The following AFF3 variants were observed in gnomAD, a reference collection of about 807,000 sequenced individuals.
The protein encoded by AFF3 is ALF transcription elongation factor 3, also known as AF4/FMR2 family member 3.
Under a neutral mutation model 129.7 loss-of-function variants are expected in AFF3, and 32 were observed. The ratio of observed to expected loss-of-function variants is 0.25; its 90% CI spans 0.19 to 0.33. The LOEUF is 0.33. Ranked by LOEUF, AFF3 falls within the 10% of genes least tolerant of loss-of-function variation. The pLI is 1.00. For missense variants in AFF3, 1,373 were observed against 1,592.0 expected, an observed-to-expected ratio of 0.86 and a Z score of 2.34; for synonymous variants, 644 against 635.4, an observed-to-expected ratio of 1.01 and a Z score of -0.20.
chr2:99,793,066 G>C (rs1685310718), intron 8 of AFF3, among the ~76,000 whole-genome samples: 2 of 152,170 alleles, frequency 1.3e-5, no homozygotes, highest in African/African-American at 4.8e-5. Context: ...CCTGGTGTTG[G>C]AGGTGGGGCC....
At chr2:99,992,615 C>A (rs1680458855) in intron 7 of AFF3, among the ~76,000 whole-genome samples, 1 of 152,138 alleles carries the variant, frequency 6.6e-6, no homozygotes, top group Admixed American at 6.5e-5. Context: ...GTTTATAGAT[C>A]CCACTCTTTC....
At chr2:99,603,737 C>T (rs1364138404) in intron 13 of AFF3, among the ~76,000 whole-genome samples, 1 of 151,998 alleles carries the variant, frequency 6.6e-6, no homozygotes. Flanking sequence ...ATGCATTTGA[C>T]AAAGCTCTAA....
At chr2:100,116,969 A>G (rs1691759235) in intron 2 of AFF3, among the ~76,000 whole-genome samples, 1 of 152,170 alleles carries the variant, frequency 6.6e-6, no homozygotes, top group Non-Finnish European at 1.5e-5. Flanking sequence ...ACAGATTAAC[A>G]GTTCTTTTCC....
intron 11 of AFF3, among the ~76,000 whole-genome samples, chr2:99,687,181 G>A (rs916104461): frequency 1.3e-5 from 2 of 152,240 alleles, no homozygotes; most frequent in Non-Finnish European, 2.9e-5. Context: ...TTCCTATGTG[G>A]CCAAGAGATG....
intron 4 of AFF3, among the ~76,000 whole-genome samples, chr2:100,047,772 A>G (rs1242875252): frequency 1.3e-5 from 2 of 152,226 alleles, no homozygotes; most frequent in African/African-American, 4.8e-5. Flanking sequence ...AAATTAAGCT[A>G]CAAAGCTGTT....
At chr2:100,016,738 T>C (rs531012785) in intron 4 of AFF3, among the ~76,000 whole-genome samples, 43 of 150,938 alleles carry the variant, frequency 2.8e-4, no homozygotes, top group Admixed American at 1.8e-3. Context: ...GTGATAGTAT[T>C]GGTGGTGAAC....
At chr2:99,890,216 T>G (rs550404015) in intron 7 of AFF3, among the ~76,000 whole-genome samples, 2 of 152,214 alleles carry the variant, frequency 1.3e-5, no homozygotes, top group Non-Finnish European at 2.9e-5. Context: ...AAACTACAGG[T>G]GGCCACTTCC....
At position 99,815,409 on chromosome 2, in the gene AFF3, G is replaced by A. The variant is rs574553234; in HGVS notation, c.921+22068C>T. ...ACTCATTAAACAATATGTAATGATT[G>A]CATTTTAATGAGCAAATAGAAGAAT... On this transcript the variant is annotated intron_variant, in intron 8 of 24. Transcript: ENST00000672756. Among the ~76,000 whole-genome samples, 17 of 152,302 alleles carry A rather than the reference G, an allele frequency of 1.1e-4. No individual in the cohort carries two copies. In the East Asian group the frequency reaches 2.7e-3, roughly 24 times the overall value.
chr2:99,779,236 G>T (rs1178012158), intron 8 of AFF3, among the ~76,000 whole-genome samples: 1 of 152,120 alleles, frequency 6.6e-6, no homozygotes, highest in Non-Finnish European at 1.5e-5. Flanking sequence ...TTTTATCATG[G>T]ATGGTTGTTG....
At chr2:100,052,304 C>T (rs1487074699) in intron 4 of AFF3, among the ~76,000 whole-genome samples, 1 of 152,104 alleles carries the variant, frequency 6.6e-6, no homozygotes, top group Non-Finnish European at 1.5e-5. Flanking sequence ...TTCTGAAAAT[C>T]CACAAAACTT....
chr2:100,005,971 C>T (rs756984820), intron 7 of AFF3, among the ~76,000 whole-genome samples: 10 of 152,172 alleles, frequency 6.6e-5, no homozygotes, highest in Non-Finnish European at 8.8e-5. Flanking sequence ...AGTTAGTATA[C>T]AATATCACAG....
chr2:99,663,848 A>G (rs1686451975), intron 12 of AFF3, among the ~76,000 whole-genome samples: 1 of 152,230 alleles, frequency 6.6e-6, no homozygotes, highest in Non-Finnish European at 1.5e-5. Flanking sequence ...ACTTGTCTGC[A>G]GTTGACACTA....
At chr2:99,612,473 G>C (rs1263697485) in intron 13 of AFF3, among the ~76,000 whole-genome samples, 2 of 152,198 alleles carry the variant, frequency 1.3e-5, no homozygotes, top group Admixed American at 1.3e-4. Context: ...ACACAGCCTC[G>C]TGAGAAAAAT....
intron 10 of AFF3, among the ~76,000 whole-genome samples, chr2:99,735,635 G>A (rs1190146480): frequency 6.6e-6 from 1 of 152,138 alleles, no homozygotes; most frequent in Non-Finnish European, 1.5e-5. Flanking sequence ...TGGGACTACA[G>A]GCGCCTGCCA....
intron 1 of AFF3, among the ~76,000 whole-genome samples, chr2:100,130,715 T>G (rs1692396259): frequency 6.6e-6 from 1 of 152,070 alleles, no homozygotes. Flanking sequence ...GGCTGCAGTG[T>G]GGGTTGATGA....
intron 2 of AFF3, among the ~76,000 whole-genome samples, chr2:100,125,863 G>A (rs534512728): frequency 1.8e-4 from 28 of 152,234 alleles, no homozygotes; most frequent in African/African-American, 6.7e-4. Context: ...TGAGCCTGGG[G>A]AGGTAGGCAG....
At chr2:99,945,963 A>G (rs1271245257) in intron 7 of AFF3, among the ~76,000 whole-genome samples, 4 of 152,254 alleles carry the variant, frequency 2.6e-5, no homozygotes, top group Admixed American at 1.3e-4. Flanking sequence ...GATTAGTATC[A>G]ATGACTACGT....
intron 9 of AFF3, among the ~76,000 whole-genome samples, chr2:99,749,378 T>C (rs59118633): frequency 0.064 from 9,734 of 152,288 alleles, 364 homozygotes; most frequent in Middle Eastern, 0.14. Context: ...CACTTAAGCA[T>C]CTACATGAAA....
At chr2:99,626,046 C>G (rs1575539311) in intron 13 of AFF3, among the ~76,000 whole-genome samples, 2 of 152,336 alleles carry the variant, frequency 1.3e-5, no homozygotes, top group South Asian at 2.1e-4. Flanking sequence ...ACTGAAGGGT[C>G]TTCAGTTCAT....
Sources: gnomAD v4.1 joint callset for allele counts (sites outside exome capture counted in the v4.1 genomes callset) on GRCh38, gnomAD v4.1.1 for gene constraint, MANE v1.5 for transcripts, NCBI Gene and HGNC (gene_info 2026-07-23, HGNC 2026-07-21) for gene names.